Variants in IL1R1 observed in about 807,000 individuals in gnomAD.
The protein encoded by IL1R1 is interleukin 1 receptor type 1.
IL1R1 carries 22 observed loss-of-function variants against 50.2 expected under a neutral mutation model. The observed-to-expected ratio is 0.44, with a 90% CI of 0.31 to 0.63. The LOEUF (loss-of-function observed/expected upper bound fraction) is 0.63, where lower values mean the gene tolerates loss of function less well. Ranked by LOEUF, IL1R1 falls within the 20% of genes least tolerant of loss-of-function variation. IL1R1 has a pLI of 0.07. For synonymous variants in IL1R1, 251 were observed against 236.7 expected, an observed-to-expected ratio of 1.06 and a Z score of -0.55; for missense variants, 509 against 676.2, an observed-to-expected ratio of 0.75 and a Z score of 2.74.
At chr2:102,102,909 T>C (rs534978093), upstream of IL1R1, among the ~76,000 whole-genome samples, 1 of 152,172 alleles carries the variant, frequency 6.6e-6, no homozygotes, top group South Asian at 2.1e-4. Flanking sequence ...GAAAATCAAA[T>C]ACTGCATGGT....
chr2:102,076,833 G>T (rs563457814), intron 1 of IL1R1, among the ~76,000 whole-genome samples: 1 of 151,950 alleles, frequency 6.6e-6, no homozygotes, highest in Non-Finnish European at 1.5e-5. Flanking sequence ...TGGGTTTACA[G>T]TTACTGTATT....
At chr2:102,131,589 A>T (rs1033434241) in intron 1 of IL1R1, among the ~76,000 whole-genome samples, 1 of 152,006 alleles carries the variant, frequency 6.6e-6, no homozygotes, top group African/African-American at 2.4e-5. Flanking sequence ...GATTAATAGC[A>T]GATTAGATAT....
chr2:102,172,531 G>A, intron 8 of IL1R1, 156 bp from the exon 9 acceptor site: 1 of 1,089,366 alleles, frequency 9.2e-7, no homozygotes, highest in African/African-American at 1.6e-5. Flanking sequence ...TCAGATTAGT[G>A]TTGCCAGCAG....
chr2:102,115,745 T>C (rs1383823100), intron 1 of IL1R1, among the ~76,000 whole-genome samples: 2 of 151,812 alleles, frequency 1.3e-5, no homozygotes, highest in African/African-American at 4.8e-5. Flanking sequence ...GAAAGAAGGG[T>C]TGTATTCTGG....
intron 1 of IL1R1, among the ~76,000 whole-genome samples, chr2:102,076,833 G>A (rs563457814): frequency 1.3e-5 from 2 of 152,072 alleles, no homozygotes; most frequent in South Asian, 2.1e-4. Flanking sequence ...TGGGTTTACA[G>A]TTACTGTATT....
intron 1 of IL1R1, among the ~76,000 whole-genome samples, chr2:102,130,448 T>C (rs1681966858): frequency 6.6e-6 from 1 of 152,160 alleles, no homozygotes; most frequent in African/African-American, 2.4e-5. Context: ...TCTCCCTCAC[T>C]CTTATCTTTC....
At chr2:102,130,951 C>T (rs191496850) in intron 1 of IL1R1, among the ~76,000 whole-genome samples, 5 of 152,300 alleles carry the variant, frequency 3.3e-5, no homozygotes, top group African/African-American at 1.2e-4. Flanking sequence ...AGCCCTGTGA[C>T]TTCTCCTGCT....
intron 1 of IL1R1, among the ~76,000 whole-genome samples, chr2:102,084,407 C>T (rs142025863): frequency 3.3e-5 from 5 of 152,232 alleles, no homozygotes; most frequent in African/African-American, 4.8e-5. Context: ...AGAGGTTGCT[C>T]GGAATCAACT....
At chr2:102,119,058 G>GT (rs749534589) in intron 1 of IL1R1, among the ~76,000 whole-genome samples, 16 of 142,000 alleles carry the variant, frequency 1.1e-4, no homozygotes, top group Non-Finnish European at 1.8e-4. Context: ...AAAAATAGTT[G>GT]TTTTTTATCT....
intron 6 of IL1R1, among the ~76,000 whole-genome samples, chr2:102,167,357 G>C (rs1197355490): frequency 1.3e-5 from 2 of 151,046 alleles, no homozygotes; most frequent in East Asian, 3.9e-4. Flanking sequence ...GCTCTGGTCT[G>C]TCTTTCCTGA....
intron 1 of IL1R1, among the ~76,000 whole-genome samples, chr2:102,070,783 C>T (rs975042387): frequency 3.3e-5 from 5 of 152,078 alleles, no homozygotes; most frequent in Admixed American, 3.3e-4. Flanking sequence ...TTGTCCCAGG[C>T]CCTGTGCTGG....
intron 1 of IL1R1, among the ~76,000 whole-genome samples, chr2:102,122,105 G>A (rs1444990180): frequency 2.0e-5 from 3 of 152,148 alleles, no homozygotes; most frequent in Non-Finnish European, 2.9e-5. Flanking sequence ...TTAAGGCCAT[G>A]GACTGGTTTC....
At position 102,083,758 on chromosome 2, in the gene IL1R1, A is replaced by G. The variant is rs138033103; in HGVS notation, c.-84+13225A>G. On this transcript the variant is annotated intron_variant, in intron 1 of 11. Transcript: ENST00000409929. Reference sequence around the variant, plus strand: ...CAGGAGTTCAAGACCAGCCTGACCAATATGGTGAAACCCCATCTCTACTAA... The same window carrying G: ...CAGGAGTTCAAGACCAGCCTGACCAGTATGGTGAAACCCCATCTCTACTAA... Among the ~76,000 whole-genome samples, 335 of 152,270 alleles carry G rather than the reference A, an allele frequency of 2.2e-3. 1 individual carries two copies. The highest frequency in any genetic ancestry group is 7.5e-3 in the African/African-American group (311 of 41,550).
At chr2:102,124,446 G>C (rs866676407) in intron 1 of IL1R1, among the ~76,000 whole-genome samples, 3 of 148,966 alleles carry the variant, frequency 2.0e-5, no homozygotes, top group Admixed American at 6.7e-5. Context: ...CCCCAAAAAA[G>C]AAATACTTGA....
At chr2:102,095,417 A>T (rs951891766) in intron 1 of IL1R1, among the ~76,000 whole-genome samples, 2 of 152,228 alleles carry the variant, frequency 1.3e-5, no homozygotes, top group African/African-American at 2.4e-5. Flanking sequence ...AAACAAGAAG[A>T]TGAGAGGACA....
intron 8 of IL1R1, 113 bp downstream of exon 8, chr2:102,172,031 CTTTTTTTTT>C (rs35265416): frequency 5.3e-4 from 47 of 88,536 alleles, no homozygotes; most frequent in Middle Eastern, 3.9e-3. Flanking sequence ...CCTTTGCTGC[CTTTTTTTTT>C]TTTTTTTTTT....
At chr2:102,125,229 G>A (rs1007761019) in intron 1 of IL1R1, among the ~76,000 whole-genome samples, 2 of 152,192 alleles carry the variant, frequency 1.3e-5, no homozygotes, top group Non-Finnish European at 2.9e-5. Flanking sequence ...AACCACAGGA[G>A]AGAACACATG....
At chr2:102,074,239 G>A (rs1372592293) in intron 1 of IL1R1, among the ~76,000 whole-genome samples, 4 of 152,142 alleles carry the variant, frequency 2.6e-5, no homozygotes, top group Non-Finnish European at 5.9e-5. Context: ...TTTTCTCGTG[G>A]TTCTGTGGGC....
intron 1 of IL1R1, among the ~76,000 whole-genome samples, chr2:102,135,906 C>T (rs978638515): frequency 3.3e-5 from 5 of 152,070 alleles, no homozygotes; most frequent in African/African-American, 1.2e-4. Context: ...TTTAAATAGT[C>T]ATGTTTCCAG....
Sources: gnomAD v4.1 joint callset for allele counts (sites outside exome capture counted in the v4.1 genomes callset) on GRCh38, gnomAD v4.1.1 for gene constraint, MANE v1.5 for transcripts, NCBI Gene and HGNC (gene_info 2026-07-23, HGNC 2026-07-21) for gene names.